BIN1: variants seen among roughly 807,000 people sequenced by gnomAD.
The protein encoded by BIN1 is myc box-dependent-interacting protein 1.
In BIN1, 53 loss-of-function variants were observed where a neutral mutation model predicts 82.0. The observed-to-expected ratio is 0.65, with a 90% CI of 0.52 to 0.81. The LOEUF is 0.81. Ranked by LOEUF, BIN1 falls within the 40% of genes least tolerant of loss-of-function variation. The pLI, the probability that BIN1 is intolerant of heterozygous loss-of-function variation, is 0.00. For synonymous variants in BIN1, 302 were observed against 328.0 expected (o/e 0.92, Z 0.86); for missense variants, 642 against 784.4 (o/e 0.82, Z 2.17).
intron 1 of BIN1, among the ~76,000 whole-genome samples, chr2:127,101,183 C>T (rs544316493): frequency 6.6e-6 from 1 of 152,300 alleles, no homozygotes; most frequent in African/African-American, 2.4e-5. Flanking sequence ...TACCCCTGCC[C>T]ACCTGCCCTG....
At chr2:127,104,811 G>A (rs1281680409) in intron 1 of BIN1, among the ~76,000 whole-genome samples, 2 of 152,196 alleles carry the variant, frequency 1.3e-5, no homozygotes, top group Non-Finnish European at 1.5e-5. Context: ...AGCAGGGCCT[G>A]CAACCCAAAG....
intron 10 of BIN1, 72 bp downstream of exon 10, chr2:127,062,043 C>G: frequency 6.6e-7 from 1 of 1,524,290 alleles, no homozygotes; most frequent in African/African-American, 1.4e-5. Flanking sequence ...AGGGCACCAA[C>G]AGGGTCACAG....
intron 9 of BIN1, among the ~76,000 whole-genome samples, chr2:127,062,538 A>C (rs1466457843): frequency 6.6e-6 from 1 of 152,204 alleles, no homozygotes; most frequent in Non-Finnish European, 1.5e-5. Context: ...TTAATTGTTA[A>C]GGTCATTTTG....
chr2:127,095,029 C>G (rs1044512623), intron 1 of BIN1, among the ~76,000 whole-genome samples: 1 of 152,184 alleles, frequency 6.6e-6, no homozygotes, highest in African/African-American at 2.4e-5. Flanking sequence ...GGCTGCCTTC[C>G]AGGACAGGCT....
chr2:127,056,597 G>A (rs1229188103), intron 12 of BIN1: 1 of 152,372 alleles, frequency 6.6e-6, no homozygotes, highest in South Asian at 2.1e-4. Flanking sequence ...GCCTGGACTG[G>A]ACAGCCTTCC....
chr2:127,094,309 T>C (rs1679305008), intron 1 of BIN1, among the ~76,000 whole-genome samples: 1 of 152,230 alleles, frequency 6.6e-6, no homozygotes, highest in South Asian at 2.1e-4. Context: ...CAAAGGCTTT[T>C]ATCCTCCGAA....
intron 1 of BIN1, among the ~76,000 whole-genome samples, chr2:127,100,101 G>A (rs968711678): frequency 5.3e-5 from 8 of 152,302 alleles, no homozygotes; most frequent in Admixed American, 2.0e-4. Context: ...CACCGCACCC[G>A]GCCAAGAGTG....
chr2:127,104,662 G>C (rs1334431018), intron 1 of BIN1, among the ~76,000 whole-genome samples: 1 of 152,204 alleles, frequency 6.6e-6, no homozygotes, highest in African/African-American at 2.4e-5. Context: ...TAGGATTCCA[G>C]TTTCATTGAC....
intron 12 of BIN1, chr2:127,055,278 C>T (rs1436029534): frequency 6.6e-6 from 1 of 152,320 alleles, no homozygotes; most frequent in African/African-American, 2.4e-5. Context: ...TGGGAGAGAC[C>T]CAAGGTCCTC....
At position 127,069,050 on chromosome 2, in the gene BIN1, G is replaced by A; in HGVS notation, c.412-19C>T. 1 of 1,610,928 alleles carries A rather than the reference G, an allele frequency of 6.2e-7. No individual in the cohort carries two copies. Among genetic ancestry groups the A allele is most frequent in the Non-Finnish European group, 8.5e-7 (1 of 1,177,566 alleles). On this transcript the variant is annotated intron_variant, in intron 5 of 18. Transcript: ENST00000316724. ...TGCGTGACTGGGGCAGACAGAGGAG[G>A]GCACTAAGCGGGGCCTGGCACCCCT...
intron 15 of BIN1, 56 bp downstream of exon 15, chr2:127,052,199 G>A (rs1267882865): frequency 6.6e-7 from 1 of 1,514,724 alleles, no homozygotes; most frequent in Non-Finnish European, 9.0e-7. Context: ...CTCCTTCCAT[G>A]CTGCACCCCT....
intron 1 of BIN1, among the ~76,000 whole-genome samples, chr2:127,078,076 C>G (rs1003166449): frequency 2.6e-5 from 4 of 152,316 alleles, no homozygotes; most frequent in Admixed American, 1.3e-4. Flanking sequence ...CTTTGGGGCC[C>G]AGGGCCCAGG....
At chr2:127,056,812 C>A (rs555540420) in intron 12 of BIN1, among the ~76,000 whole-genome samples, 4 of 152,366 alleles carry the variant, frequency 2.6e-5, no homozygotes, top group African/African-American at 9.6e-5. Context: ...CCGACCTCCA[C>A]CATGAAGGAC....
chr2:127,062,040 C>T, intron 10 of BIN1, 75 bp downstream of exon 10: 1 of 1,519,910 alleles, frequency 6.6e-7, no homozygotes, highest in South Asian at 1.2e-5. Context: ...GGGAGGGCAC[C>T]AACAGGGTCA....
At chr2:127,086,866 T>C (rs1678238631) in intron 1 of BIN1, among the ~76,000 whole-genome samples, 1 of 152,080 alleles carries the variant, frequency 6.6e-6, no homozygotes, top group Non-Finnish European at 1.5e-5. Flanking sequence ...CACCCCCACA[T>C]GGCGATCCAC....
At chr2:127,053,660 G>T (rs1683261037) in intron 13 of BIN1, 2 of 741,728 alleles carry the variant, frequency 2.7e-6, no homozygotes, top group Admixed American at 2.1e-5. Context: ...GGATGCTTCT[G>T]CCCCAAGCGA....
rs376710764 is a variant in BIN1, at chr2:127,063,919, G to A, written c.698+14C>T. ...CACTGCCCCACGCAGGCTGGGCACC[G>A]TGCTGGGCCTCACCTGTTCCACAGG... On this transcript the variant is annotated intron_variant, in intron 8 of 18. Coordinates refer to ENST00000316724, the MANE Select transcript of BIN1 (RefSeq NM_139343.3). 29 of 1,613,034 alleles carry A rather than the reference G, an allele frequency of 1.8e-5. No homozygotes were observed. Among genetic ancestry groups the A allele is most frequent in the Middle Eastern group, 1.7e-4 (1 of 6,060 alleles).
Position 127,095,425 on chromosome 2 carries a change from G to T in BIN1, c.84+11435C>A, listed in dbSNP as rs1679469668. On this transcript the variant is annotated intron_variant, in intron 1 of 18. Coordinates refer to ENST00000316724, the MANE Select transcript of BIN1 (RefSeq NM_139343.3). Reference sequence around the variant, plus strand: ...GATCCCGGAGTATGGAAATCCCAAGGTGAAGGGCCTGGCTCTGTGGGTTCA... The same window carrying T: ...GATCCCGGAGTATGGAAATCCCAAGTTGAAGGGCCTGGCTCTGTGGGTTCA... 2.0e-5 allele frequency among the ~76,000 whole-genome samples: 3 copies of T among 152,326 alleles called. No homozygotes were observed. The South Asian group carries it at 6.2e-4, about 32-fold the overall frequency.
At chr2:127,083,506 A>G (rs1687564460) in intron 1 of BIN1, among the ~76,000 whole-genome samples, 1 of 152,166 alleles carries the variant, frequency 6.6e-6, no homozygotes, top group South Asian at 2.1e-4. Context: ...ACTCCAACAG[A>G]TTTCCTAAGA....
Sources: allele counts gnomAD v4.1 joint callset (sites outside exome capture counted in the v4.1 genomes callset), GRCh38; gene constraint gnomAD v4.1.1; transcripts MANE v1.5; gene names NCBI Gene and HGNC (gene_info 2026-07-23, HGNC 2026-07-21).